PRSS3: variants seen among roughly 807,000 people sequenced by gnomAD.
PRSS3 encodes serine protease 3.
Under a neutral mutation model 20.8 loss-of-function variants are expected in PRSS3, and 14 were observed. The observed-to-expected ratio is 0.67, with a 90% CI of 0.44 to 1.05. PRSS3 has a LOEUF of 1.05. PRSS3 is among the 50% of genes least tolerant of loss of function. The pLI, the probability that PRSS3 is intolerant of heterozygous loss-of-function variation, is 0.00. For synonymous variants in PRSS3, 91 were observed against 117.6 expected (o/e 0.77, Z 1.46); for missense variants, 237 against 306.4 (o/e 0.77, Z 1.69).
chr9:33,760,899 C>A (rs186174359), intron 1 of PRSS3, among the ~76,000 whole-genome samples: 57 of 152,162 alleles, frequency 3.7e-4, no homozygotes, highest in Non-Finnish European at 7.4e-5. Context: ...AGAATTTAGT[C>A]CAATTTGTTT....
At chr9:33,759,268 T>A (rs1231359492) in intron 1 of PRSS3, among the ~76,000 whole-genome samples, 2 of 152,030 alleles carry the variant, frequency 1.3e-5, no homozygotes, top group African/African-American at 4.8e-5. Flanking sequence ...AATGGAACAT[T>A]TTCCATCCTC....
chr9:33,754,228 C>T (rs1331851191), intron 1 of PRSS3, among the ~76,000 whole-genome samples: 6 of 151,906 alleles, frequency 3.9e-5, no homozygotes, highest in Non-Finnish European at 7.4e-5. Flanking sequence ...TGCACCACCA[C>T]GCCCAGCTAA....
chr9:33,782,125 C>T (rs1381862772), intron 1 of PRSS3, among the ~76,000 whole-genome samples: 1 of 152,232 alleles, frequency 6.6e-6, no homozygotes, highest in Non-Finnish European at 1.5e-5. Flanking sequence ...GCCTTAAAGA[C>T]ACTTTTCTCC....
chr9:33,767,492 C>T (rs1470635137), intron 1 of PRSS3, among the ~76,000 whole-genome samples: 54 of 151,812 alleles, frequency 3.6e-4, no homozygotes, highest in Admixed American at 3.5e-3. Flanking sequence ...AAAATGAGGT[C>T]ATTAGGACAG....
chr9:33,794,636 A>G (rs982481206), upstream of PRSS3: 17 of 1,336,728 alleles, frequency 1.3e-5, no homozygotes, highest in Admixed American at 3.0e-5. Flanking sequence ...ATCAGATGGT[A>G]ACCCAGATTT....
At chr9:33,771,635 TTG>T (rs372697996) in intron 1 of PRSS3, among the ~76,000 whole-genome samples, 1 of 94,462 alleles carries the variant, frequency 1.1e-5, no homozygotes, top group Non-Finnish European at 2.2e-5. Context: ...TTTTGTTTTT[TTG>T]TTTTTTTGTT....
Position 33,789,655 on chromosome 9 carries a change from C to T in PRSS3, c.-52-5091C>T, listed in dbSNP as rs540989152. ...GGTCACAGGAATGCACATGTATACC[C>T]ATTTTATGTCATGGGTTCAGTGCTA... is the stretch of plus-strand genomic sequence containing the variant. On this transcript the variant is annotated intron_variant, in intron 1 of 5. Coordinates refer to the PRSS3 transcript ENST00000342836. 1.7e-4 allele frequency among the ~76,000 whole-genome samples: 26 copies of T among 152,260 alleles called. No homozygotes were observed. In the South Asian group the frequency reaches 3.5e-3, roughly 21 times the overall value.
At chr9:33,785,682 A>T (rs1587391108) in intron 1 of PRSS3, among the ~76,000 whole-genome samples, 1 of 152,236 alleles carries the variant, frequency 6.6e-6, no homozygotes. Flanking sequence ...TGAGGAAAAA[A>T]AGAGGCTTAT....
intron 1 of PRSS3, among the ~76,000 whole-genome samples, chr9:33,752,572 G>T (rs1482968963): frequency 6.6e-6 from 1 of 152,158 alleles, no homozygotes; most frequent in Admixed American, 6.5e-5. Context: ...TTCCCAGTAT[G>T]AGACCATACT....
At chr9:33,755,318 T>C (rs990615875) in intron 1 of PRSS3, among the ~76,000 whole-genome samples, 1 of 152,212 alleles carries the variant, frequency 6.6e-6, no homozygotes, top group Non-Finnish European at 1.5e-5. Flanking sequence ...TCGTTCATTG[T>C]AGAAGGTTTT....
chr9:33,798,671 C>A, intron 4 of PRSS3, 49 bp downstream of exon 4: 2 of 1,613,124 alleles, frequency 1.2e-6, no homozygotes, highest in South Asian at 1.1e-5. Context: ...ACCCAGGCCC[C>A]ACCGGGGAAA....
chr9:33,795,107 A>T (rs1254314498), upstream of PRSS3, among the ~76,000 whole-genome samples: 1 of 152,198 alleles, frequency 6.6e-6, no homozygotes, highest in Non-Finnish European at 1.5e-5. Flanking sequence ...CTTAGATAAG[A>T]CTTTCCTCCT....
intron 1 of PRSS3, among the ~76,000 whole-genome samples, chr9:33,761,371 G>C (rs1399047886): frequency 1.3e-5 from 2 of 152,184 alleles, no homozygotes; most frequent in Non-Finnish European, 2.9e-5. Context: ...TAGCACAGTG[G>C]TAAGTATGTG....
chr9:33,765,658 G>C (rs982315829), intron 1 of PRSS3, among the ~76,000 whole-genome samples: 27 of 152,198 alleles, frequency 1.8e-4, no homozygotes, highest in Non-Finnish European at 1.5e-4. Context: ...CTCATATCCA[G>C]GGTGGGATGG....
chr9:33,785,020 A>G (rs1335488315), intron 1 of PRSS3, among the ~76,000 whole-genome samples: 7 of 152,324 alleles, frequency 4.6e-5, no homozygotes, highest in Admixed American at 3.3e-4. Context: ...ACCAAAAAAT[A>G]GACTTAAATA....
At chr9:33,793,826 T>G (rs1824753177), upstream of PRSS3, 1 of 537,564 alleles carries the variant, frequency 1.9e-6, no homozygotes, top group Non-Finnish European at 2.4e-6. Flanking sequence ...CAAATCACAA[T>G]TAGCATGTTT....
At chr9:33,797,802 C>G (rs1587404074) in intron 2 of PRSS3, 27 bp from the exon 3 acceptor site, 6 of 1,614,262 alleles carry the variant, frequency 3.7e-6, no homozygotes, top group African/African-American at 1.3e-5. Flanking sequence ...GGGAGAAGGT[C>G]TTCACCATGC....
chr9:33,780,018 C>T (rs2118985896), intron 1 of PRSS3, among the ~76,000 whole-genome samples: 1 of 151,572 alleles, frequency 6.6e-6, no homozygotes, highest in South Asian at 2.1e-4. Context: ...AAAAAATTGC[C>T]TAATCTTGCC....
intron 1 of PRSS3, among the ~76,000 whole-genome samples, chr9:33,775,704 T>G (rs1823891478): frequency 1.3e-5 from 2 of 150,074 alleles, no homozygotes; most frequent in South Asian, 4.2e-4. Flanking sequence ...CTTGAAGTTT[T>G]TTTTTTTTTT....
Sources: allele counts gnomAD v4.1 joint callset (sites outside exome capture counted in the v4.1 genomes callset), GRCh38; gene constraint gnomAD v4.1.1; transcripts MANE v1.5; gene names NCBI Gene and HGNC (gene_info 2026-07-23, HGNC 2026-07-21).